Variants in RORA observed in about 807,000 individuals in gnomAD.
The protein encoded by RORA is nuclear receptor ROR-alpha.
RORA carries 7 observed loss-of-function variants against 69.5 expected under a neutral mutation model. That is an observed-to-expected ratio of 0.10 (90% CI 0.06 to 0.19). The LOEUF is 0.19. Among genes scored for constraint, RORA ranks in the 10% least tolerant of loss-of-function variants. RORA has a pLI of 1.00. For synonymous variants in RORA, 261 were observed against 240.8 expected (o/e 1.08, Z -0.78); for missense variants, 457 against 663.0 (o/e 0.69, Z 3.41).
At chr15:60,929,889 G>T (rs79348302) in intron 1 of RORA, among the ~76,000 whole-genome samples, 1 of 152,078 alleles carries the variant, frequency 6.6e-6, no homozygotes, top group African/African-American at 2.4e-5. Context: ...TGACAAGCTC[G>T]CCTCTGTTCT....
chr15:61,062,845 C>T (rs924437967), intron 1 of RORA, among the ~76,000 whole-genome samples: 1 of 152,082 alleles, frequency 6.6e-6, no homozygotes, highest in Non-Finnish European at 1.5e-5. Context: ...GGACATGCTC[C>T]CCAGAAATAG....
intron 1 of RORA, among the ~76,000 whole-genome samples, chr15:60,917,231 A>G (rs1350831333): frequency 4.6e-5 from 7 of 152,204 alleles, no homozygotes; most frequent in Admixed American, 3.9e-4. Flanking sequence ...TTCCACATTG[A>G]TCAGACTTCC....
chr15:60,801,391 C>T (rs1218587979), intron 1 of RORA, among the ~76,000 whole-genome samples: 3 of 150,434 alleles, frequency 2.0e-5, no homozygotes, highest in Non-Finnish European at 3.0e-5. Flanking sequence ...AAAGAAACAG[C>T]CCATTTAAAG....
intron 1 of RORA, among the ~76,000 whole-genome samples, chr15:61,197,358 C>G (rs558276146): frequency 5.9e-5 from 9 of 152,318 alleles, no homozygotes; most frequent in Non-Finnish European, 8.8e-5. Flanking sequence ...AGGGCTCCCC[C>G]GTTCCCATGG....
intron 1 of RORA, among the ~76,000 whole-genome samples, chr15:60,767,208 G>A (rs774167133): frequency 1.3e-5 from 2 of 152,120 alleles, no homozygotes; most frequent in Non-Finnish European, 2.9e-5. Context: ...CTAGACTGAG[G>A]TGGTGGAACA....
intron 1 of RORA, among the ~76,000 whole-genome samples, chr15:61,193,048 C>T (rs35626757): frequency 2.3e-4 from 26 of 114,102 alleles, no homozygotes; most frequent in Non-Finnish European, 3.9e-4. Flanking sequence ...CAACAATCAA[C>T]GCCCTCACCA....
At chr15:60,976,893 G>A (rs1448030695) in intron 1 of RORA, among the ~76,000 whole-genome samples, 1 of 152,038 alleles carries the variant, frequency 6.6e-6, no homozygotes, top group Non-Finnish European at 1.5e-5. Flanking sequence ...AATAATCCTC[G>A]CTCGCACACC....
intron 1 of RORA, among the ~76,000 whole-genome samples, chr15:61,197,669 A>C (rs2079857477): frequency 6.6e-6 from 1 of 152,206 alleles, no homozygotes; most frequent in Non-Finnish European, 1.5e-5. Context: ...AGATGTCAAA[A>C]AATATCAATC....
chr15:61,172,031 G>A (rs1213945417), intron 1 of RORA, among the ~76,000 whole-genome samples: 1 of 152,140 alleles, frequency 6.6e-6, no homozygotes, highest in Non-Finnish European at 1.5e-5. Flanking sequence ...TGTTGATGAA[G>A]ATGTTAAGTC....
intron 1 of RORA, among the ~76,000 whole-genome samples, chr15:61,174,893 A>C (rs924371670): frequency 2.0e-5 from 3 of 152,192 alleles, no homozygotes; most frequent in African/African-American, 7.2e-5. Context: ...TCTACATGAG[A>C]GCACTGAGCC....
intron 1 of RORA, among the ~76,000 whole-genome samples, chr15:61,068,535 G>A (rs2140579286): frequency 6.6e-6 from 1 of 152,300 alleles, no homozygotes; most frequent in Admixed American, 6.5e-5. Flanking sequence ...CATGTTCCTT[G>A]ACATCCTGGA....
At chr15:60,639,300 C>T (rs2069898885) in intron 2 of RORA, among the ~76,000 whole-genome samples, 1 of 140,532 alleles carries the variant, frequency 7.1e-6, no homozygotes, top group African/African-American at 2.6e-5. Context: ...AAGGCATAAA[C>T]AATTAAGAGA....
chr15:60,775,418 G>T (rs2072150896), intron 1 of RORA, among the ~76,000 whole-genome samples: 1 of 152,170 alleles, frequency 6.6e-6, no homozygotes, highest in Admixed American at 6.5e-5. Flanking sequence ...GAACAGATCT[G>T]CAGTTTTCTT....
intron 1 of RORA, among the ~76,000 whole-genome samples, chr15:60,837,149 G>C (rs963194129): frequency 2.0e-5 from 3 of 151,428 alleles, no homozygotes; most frequent in African/African-American, 7.3e-5. Flanking sequence ...TGGGATTATA[G>C]GCATGAGCCA....
Position 60,604,500 on chromosome 15 carries a change from C to T in RORA, c.197-72649G>A, listed in dbSNP as rs532749900. ...TTCTTCTCTTTTTGTAAACCTGATT[C>T]GTCACTCTCTTTTCAAATCATTTAT... On this transcript the variant is annotated intron_variant, in intron 2 of 10. Coordinates refer to ENST00000335670, the MANE Select transcript of RORA (RefSeq NM_134261.3). Among the ~76,000 whole-genome samples, 128 of 152,268 alleles carry T rather than the reference C, an allele frequency of 8.4e-4. 1 individual carries two copies. Among genetic ancestry groups the T allele is most frequent in the African/African-American group, 2.9e-3 (122 of 41,552 alleles).
At chr15:60,739,165 G>A (rs1278043219) in intron 1 of RORA, among the ~76,000 whole-genome samples, 5 of 152,172 alleles carry the variant, frequency 3.3e-5, no homozygotes, top group Non-Finnish European at 5.9e-5. Context: ...TGTATCTAAT[G>A]AAAAAGTCAC....
chr15:60,857,420 C>T (rs72750655), intron 1 of RORA, among the ~76,000 whole-genome samples: 8,168 of 152,090 alleles, frequency 0.054, 317 homozygotes, highest in Non-Finnish European at 0.079. Flanking sequence ...TGAGTCTTTG[C>T]CCTCTCCACC....
At chr15:61,109,435 C>T (rs904235968) in intron 1 of RORA, among the ~76,000 whole-genome samples, 2 of 152,248 alleles carry the variant, frequency 1.3e-5, no homozygotes, top group Admixed American at 6.5e-5. Flanking sequence ...CAAAGTGACA[C>T]GCAGAGATTT....
chr15:60,851,322 C>T (rs941019154), intron 1 of RORA, among the ~76,000 whole-genome samples: 2 of 152,004 alleles, frequency 1.3e-5, no homozygotes, highest in African/African-American at 4.8e-5. Flanking sequence ...GTGGATCCTG[C>T]CACCTTGGAG....
Sources: gnomAD v4.1 joint callset for allele counts (sites outside exome capture counted in the v4.1 genomes callset) on GRCh38, gnomAD v4.1.1 for gene constraint, MANE v1.5 for transcripts, NCBI Gene and HGNC (gene_info 2026-07-23, HGNC 2026-07-21) for gene names.